CHST11: variants seen among roughly 807,000 people sequenced by gnomAD.
The protein encoded by CHST11 is carbohydrate sulfotransferase 11.
Under a neutral mutation model 30.4 loss-of-function variants are expected in CHST11, and 9 were observed. The ratio of observed to expected loss-of-function variants is 0.30; its 90% confidence interval spans 0.18 to 0.52. The LOEUF is 0.52. Among genes scored for constraint, CHST11 ranks in the 20% least tolerant of loss-of-function variants. The pLI is 0.97. For synonymous variants in CHST11, 152 were observed against 187.8 expected, an observed-to-expected ratio of 0.81 and a Z score of 1.56; for missense variants, 348 against 460.6, an observed-to-expected ratio of 0.76 and a Z score of 2.24.
At chr12:104,736,797 C>T (rs2136136128) in intron 2 of CHST11, among the ~76,000 whole-genome samples, 1 of 152,340 alleles carries the variant, frequency 6.6e-6, no homozygotes, top group South Asian at 2.1e-4. Context: ...GAGTCCCTTT[C>T]AGTCCCCCAC....
chr12:104,658,077 C>T (rs544827368), intron 2 of CHST11, among the ~76,000 whole-genome samples: 4 of 152,224 alleles, frequency 2.6e-5, no homozygotes, highest in African/African-American at 9.6e-5. Flanking sequence ...TACAAGCATG[C>T]TGTGTGGACT....
intron 1 of CHST11, among the ~76,000 whole-genome samples, chr12:104,590,499 G>A (rs935387540): frequency 1.3e-5 from 2 of 152,146 alleles, no homozygotes; most frequent in Admixed American, 6.5e-5. Context: ...TTTAGGAACC[G>A]AGGATATTGT....
At chr12:104,591,653 A>C (rs556830828) in intron 1 of CHST11, 60 of 151,772 alleles carry the variant, frequency 4.0e-4, no homozygotes, top group African/African-American at 1.5e-3. Flanking sequence ...AGTCAAGGCC[A>C]GAGGTCCCAC....
At chr12:104,666,876 A>C (rs1270508671) in intron 2 of CHST11, among the ~76,000 whole-genome samples, 1 of 151,988 alleles carries the variant, frequency 6.6e-6, no homozygotes, top group Non-Finnish European at 1.5e-5. Flanking sequence ...GCCAGAACAG[A>C]TAAGTCGTTG....
At chr12:104,626,649 C>T (rs1032331485) in intron 2 of CHST11, among the ~76,000 whole-genome samples, 1 of 149,560 alleles carries the variant, frequency 6.7e-6, no homozygotes, top group African/African-American at 2.5e-5. Context: ...TGGGAGAGTC[C>T]TGAGGGAATG....
At chr12:104,672,765 T>C (rs1459304260) in intron 2 of CHST11, among the ~76,000 whole-genome samples, 2 of 152,216 alleles carry the variant, frequency 1.3e-5, no homozygotes, top group Non-Finnish European at 2.9e-5. Flanking sequence ...CTCCTACACT[T>C]TCCAAGCCAA....
At chr12:104,744,794 AGGG>A (rs2040376126) in intron 2 of CHST11, among the ~76,000 whole-genome samples, 1 of 152,144 alleles carries the variant, frequency 6.6e-6, no homozygotes, top group Non-Finnish European at 1.5e-5. Flanking sequence ...GGTGTAAGGA[AGGG>A]ATTCAGTTTT....
intron 2 of CHST11, among the ~76,000 whole-genome samples, chr12:104,677,899 A>G (rs757185862): frequency 1.3e-5 from 2 of 152,226 alleles, no homozygotes; most frequent in African/African-American, 2.4e-5. Flanking sequence ...CATGTCAAAC[A>G]GGTTCCACCA....
In CHST11 at chr12:104,729,832, A is replaced by G. The variant is rs2040242999; in HGVS notation, c.205-27117A>G. 6.6e-6 allele frequency among the ~76,000 whole-genome samples: 1 copy of G among 152,142 alleles called. No homozygotes were observed. Reference sequence around the variant, plus strand: ...ATGAAGAGGAGGAGCAGCACAGGCCATCTGGATGGGGGAGCCCCTGGTGAG... The same window carrying G: ...ATGAAGAGGAGGAGCAGCACAGGCCGTCTGGATGGGGGAGCCCCTGGTGAG... On this transcript the variant is annotated intron_variant, in intron 2 of 2. Coordinates refer to ENST00000303694, the MANE Select transcript of CHST11 (RefSeq NM_018413.6). This position sits in a 1 kb window ranked among gnomAD's most constrained non-coding sequence, Gnocchi z 4.0.
At chr12:104,712,521 G>A (rs2040095866) in intron 2 of CHST11, among the ~76,000 whole-genome samples, 1 of 152,146 alleles carries the variant, frequency 6.6e-6, no homozygotes, top group Non-Finnish European at 1.5e-5. Flanking sequence ...TCAAAATCCA[G>A]GTCTGTCTGT....
Position 104,707,989 on chromosome 12 carries a change from GAC to G in CHST11, c.205-48956_205-48955del, listed in dbSNP as rs76831648. Reference sequence around the variant, plus strand: ...GCTCACAAGCATGCATGTGCATACAGACACAGTTTTATTCAACACATGCACAT... The same window carrying G: ...GCTCACAAGCATGCATGTGCATACAGACAGTTTTATTCAACACATGCACAT... On this transcript the variant is annotated intron_variant, in intron 2 of 2. Coordinates refer to ENST00000303694, the MANE Select transcript of CHST11 (RefSeq NM_018413.6). Among the ~76,000 whole-genome samples the G allele has an allele frequency of 0.014, 2,067 of 152,308 alleles. 140 individuals carry two copies. The East Asian group carries it at 0.22, about 16-fold the overall frequency.
chr12:104,471,257 C>T (rs2037506491), intron 1 of CHST11, among the ~76,000 whole-genome samples: 1 of 152,160 alleles, frequency 6.6e-6, no homozygotes, highest in African/African-American at 2.4e-5. Flanking sequence ...CACAATATCC[C>T]AACATCTCCA....
At position 104,569,870 on chromosome 12, in the gene CHST11, C is replaced by T. The variant is rs1330956625; in HGVS notation, c.119-32036C>T. Reference sequence around the variant, plus strand: ...TCAGTGTAGGCTCTTGATTCTGCTTCATAATCTTACTTTACAGTTGGAGGA... The same window carrying T: ...TCAGTGTAGGCTCTTGATTCTGCTTTATAATCTTACTTTACAGTTGGAGGA... On this transcript the variant is annotated intron_variant, in intron 1 of 2. Coordinates refer to ENST00000303694, the MANE Select transcript of CHST11 (RefSeq NM_018413.6). Among the ~76,000 whole-genome samples the T allele has an allele frequency of 2.0e-5, 3 of 152,198 alleles. 1 individual carries two copies. The highest frequency in any genetic ancestry group is 1.3e-4 in the Admixed American group (2 of 15,284).
intron 2 of CHST11, among the ~76,000 whole-genome samples, chr12:104,635,430 A>T (rs969199889): frequency 6.6e-6 from 1 of 152,204 alleles, no homozygotes; most frequent in African/African-American, 2.4e-5. Context: ...CCTTAAGAAG[A>T]TGTAATTGCC....
chr12:104,477,477 T>C (rs1023529724), intron 1 of CHST11, among the ~76,000 whole-genome samples: 1 of 152,180 alleles, frequency 6.6e-6, no homozygotes, highest in African/African-American at 2.4e-5. Context: ...ATGCTGCGTC[T>C]CTCCCTAATT....
intron 1 of CHST11, among the ~76,000 whole-genome samples, chr12:104,484,098 A>G (rs2135962753): frequency 6.6e-6 from 1 of 152,314 alleles, no homozygotes; most frequent in East Asian, 1.9e-4. Context: ...ATGGAATGAG[A>G]TTAGATGGCA....
At chr12:104,754,124 C>G (rs1351322789) in intron 2 of CHST11, among the ~76,000 whole-genome samples, 2 of 152,204 alleles carry the variant, frequency 1.3e-5, no homozygotes, top group African/African-American at 4.8e-5. Flanking sequence ...TATTTCCAAG[C>G]TGGGAAACTC....
At chr12:104,716,242 A>G (rs2040129958) in intron 2 of CHST11, among the ~76,000 whole-genome samples, 1 of 152,136 alleles carries the variant, frequency 6.6e-6, no homozygotes, top group African/African-American at 2.4e-5. Context: ...CCAGAGTCAC[A>G]CCGTCCTTCT....
intron 1 of CHST11, among the ~76,000 whole-genome samples, chr12:104,491,222 T>C (rs1315545513): frequency 3.9e-5 from 6 of 152,170 alleles, no homozygotes; most frequent in Non-Finnish European, 8.8e-5. Context: ...TTCATCACCA[T>C]TGGAGAGTAT....
Sources: gnomAD v4.1 joint callset for allele counts (sites outside exome capture counted in the v4.1 genomes callset) on GRCh38, gnomAD v4.1.1 for gene constraint, Gnocchi (gnomAD v3.1) non-coding constraint, MANE v1.5 for transcripts, NCBI Gene and HGNC (gene_info 2026-07-23, HGNC 2026-07-21) for gene names.